Variants in FABP12 observed in about 807,000 individuals in gnomAD.
FABP12 encodes the protein fatty acid binding protein 12, also known as fatty acid-binding protein 12.
FABP12 carries 19 observed loss-of-function variants against 13.7 expected under a neutral mutation model. The ratio of observed to expected loss-of-function variants is 1.39; its 90% CI spans 0.97 to 2.04. FABP12 has a LOEUF of 2.04. Among genes scored for constraint, FABP12 ranks in the 30% most tolerant of loss-of-function variants. The probability of loss-of-function intolerance (pLI) is 0.00; values close to 1 mark genes in which losing one functional copy is unlikely to be tolerated. For synonymous variants in FABP12, 61 were observed against 57.0 expected (o/e 1.07, Z -0.32); for missense variants, 182 against 164.2 (o/e 1.11, Z -0.59).
At chr8:81,537,265 T>C (rs997463255), upstream of FABP12, among the ~76,000 whole-genome samples, 1 of 152,164 alleles carries the variant, frequency 6.6e-6, no homozygotes. Context: ...AAATTAATTG[T>C]GTAAGGAAAT....
At chr8:81,525,642 T>C (rs977493932) in intron 4 of FABP12, among the ~76,000 whole-genome samples, 6 of 152,212 alleles carry the variant, frequency 3.9e-5, no homozygotes, top group Non-Finnish European at 8.8e-5. Context: ...ATAACCTATG[T>C]ATGGCGAATC....
intron 1 of FABP12, among the ~76,000 whole-genome samples, chr8:81,577,921 A>C (rs528987280): frequency 1.3e-5 from 2 of 152,360 alleles, no homozygotes; most frequent in African/African-American, 2.4e-5. Flanking sequence ...TTAAGTCAGA[A>C]TCATAGTCCT....
intron 1 of FABP12, among the ~76,000 whole-genome samples, chr8:81,551,864 G>C (rs982377204): frequency 2.0e-5 from 3 of 152,074 alleles, no homozygotes; most frequent in African/African-American, 7.2e-5. Context: ...GCTGCTCCAA[G>C]TGTTCATCTC....
intron 1 of FABP12, among the ~76,000 whole-genome samples, chr8:81,544,811 A>T (rs541825736): frequency 6.6e-6 from 1 of 152,188 alleles, no homozygotes; most frequent in Non-Finnish European, 1.5e-5. Flanking sequence ...AACTGCAGTG[A>T]CCTGTTCAAG....
chr8:81,584,208 C>T (rs1176970912), intron 1 of FABP12, among the ~76,000 whole-genome samples: 1 of 152,118 alleles, frequency 6.6e-6, no homozygotes, highest in East Asian at 1.9e-4. Context: ...CAAGAAAGGA[C>T]CAAGTCAATG....
At chr8:81,551,023 T>C (rs946713504) in intron 1 of FABP12, among the ~76,000 whole-genome samples, 2 of 152,128 alleles carry the variant, frequency 1.3e-5, no homozygotes, top group Admixed American at 1.3e-4. Context: ...GATTCCCCCA[T>C]AGGGCAAAAA....
intron 1 of FABP12, among the ~76,000 whole-genome samples, chr8:81,583,611 C>T (rs1054809630): frequency 9.9e-5 from 15 of 151,932 alleles, no homozygotes; most frequent in African/African-American, 3.4e-4. Flanking sequence ...AATAAATTCC[C>T]GGACACATAC....
chr8:81,575,430 G>A (rs10099872), intron 1 of FABP12, among the ~76,000 whole-genome samples: 15,878 of 152,050 alleles, frequency 0.1, 1,083 homozygotes, highest in East Asian at 0.26. Context: ...TGTATTCTGC[G>A]GTTGTTGCAT....
At chr8:81,566,131 C>T (rs1164156038) in intron 1 of FABP12, among the ~76,000 whole-genome samples, 1 of 151,926 alleles carries the variant, frequency 6.6e-6, no homozygotes, top group Non-Finnish European at 1.5e-5. Flanking sequence ...AATCCAAAAC[C>T]TGAATAGACC....
chr8:81,532,691 C>T lies in FABP12; in HGVS notation c.-76+1111G>A, dbSNP rs183389791. On this transcript the variant is annotated intron_variant, in intron 1 of 4. Transcript: ENST00000360464. The stretch of plus-strand genomic sequence containing the variant: ...CAAAAATTAGCCAGGCATGGTGCAA[C>T]GCACCTGTAGTCCCAGCTACTCGGG... 3.3e-5 allele frequency among the ~76,000 whole-genome samples: 5 copies of T among 152,292 alleles called. No individual in the cohort carries two copies. In the East Asian group the frequency reaches 5.8e-4, roughly 18 times the overall value.
At chr8:81,571,231 G>T (rs892907719) in intron 1 of FABP12, among the ~76,000 whole-genome samples, 3 of 152,230 alleles carry the variant, frequency 2.0e-5, no homozygotes, top group African/African-American at 7.2e-5. Flanking sequence ...GGCAGCCAGA[G>T]CAGGCACCTC....
intron 1 of FABP12, among the ~76,000 whole-genome samples, chr8:81,588,464 G>T (rs963760588): frequency 6.6e-6 from 1 of 152,112 alleles, no homozygotes; most frequent in African/African-American, 2.4e-5. Context: ...TTCACTGTTG[G>T]TATGTATAAA....
chr8:81,537,833 C>T (rs1336698503), upstream of FABP12, among the ~76,000 whole-genome samples: 1 of 152,178 alleles, frequency 6.6e-6, no homozygotes, highest in African/African-American at 2.4e-5. Context: ...CAAGCAGTAA[C>T]ATGGCACTGC....
chr8:81,561,705 A>C (rs968326028), intron 1 of FABP12, among the ~76,000 whole-genome samples: 3 of 152,190 alleles, frequency 2.0e-5, no homozygotes, highest in African/African-American at 4.8e-5. Context: ...AGCCGAAAGC[A>C]ACACTAGAAG....
At chr8:81,539,997 C>T (rs1197245301) in intron 1 of FABP12, among the ~76,000 whole-genome samples, 4 of 152,176 alleles carry the variant, frequency 2.6e-5, no homozygotes, top group South Asian at 2.1e-4. Flanking sequence ...TCCTATGAGC[C>T]GGCATAGGTC....
At chr8:81,534,546 T>C (rs575276803), upstream of FABP12, among the ~76,000 whole-genome samples, 1 of 152,196 alleles carries the variant, frequency 6.6e-6, no homozygotes, top group African/African-American at 2.4e-5. Context: ...TCCATTATAC[T>C]AGCCACTTCT....
At chr8:81,576,960 G>T (rs976162807) in intron 1 of FABP12, among the ~76,000 whole-genome samples, 1 of 152,190 alleles carries the variant, frequency 6.6e-6, no homozygotes, top group African/African-American at 2.4e-5. Context: ...GGACAAAAGG[G>T]TCACATGGCC....
chr8:81,537,562 T>G (rs1809252586), upstream of FABP12, among the ~76,000 whole-genome samples: 1 of 152,172 alleles, frequency 6.6e-6, no homozygotes, highest in Non-Finnish European at 1.5e-5. Context: ...CTAGAAAAAT[T>G]TAAGTGCTGT....
intron 1 of FABP12, among the ~76,000 whole-genome samples, chr8:81,586,529 G>A (rs1309939204): frequency 6.6e-6 from 1 of 152,072 alleles, no homozygotes; most frequent in Non-Finnish European, 1.5e-5. Context: ...TTTAATAATA[G>A]CCATTCTGAC....
Sources: allele counts gnomAD v4.1 joint callset (sites outside exome capture counted in the v4.1 genomes callset), GRCh38; gene constraint gnomAD v4.1.1; transcripts MANE v1.5; gene names NCBI Gene and HGNC (gene_info 2026-07-23, HGNC 2026-07-21).